CASK: variants seen among roughly 807,000 people sequenced by gnomAD.
CASK encodes peripheral plasma membrane protein CASK.
A neutral mutation model predicts 82.9 loss-of-function variants in CASK; 4 were observed. That is an observed-to-expected ratio of 0.05 (90% CI 0.02 to 0.11). The LOEUF (loss-of-function observed/expected upper bound fraction) is 0.11, where lower values mean the gene tolerates loss of function less well. Among genes scored for constraint, CASK ranks in the 10% least tolerant of loss-of-function variants. The pLI is 1.00. For missense variants in CASK, 358 were observed against 720.9 expected, an observed-to-expected ratio of 0.50 and a Z score of 5.76; for synonymous variants, 259 against 253.5, an observed-to-expected ratio of 1.02 and a Z score of -0.20.
At chrX:41,700,931 C>CAAAAAA (rs1215266415) in intron 5 of CASK, among the ~76,000 whole-genome samples, 9 of 37,107 alleles carry the variant, frequency 2.4e-4, no homozygotes, top group East Asian at 1.0e-3. Context: ...GACTCCGTCT[C>CAAAAAA]AAAAAAAAAA....
chrX:41,814,839 C>G (rs1448657082), intron 2 of CASK, among the ~76,000 whole-genome samples: 1 of 111,853 alleles, frequency 8.9e-6, no homozygotes, highest in Non-Finnish European at 1.9e-5. Flanking sequence ...ACCCACTGAA[C>G]TAGAAAATTG....
At chrX:41,617,161 G>A (rs2066215320) in intron 11 of CASK, among the ~76,000 whole-genome samples, 1 of 112,443 alleles carries the variant, frequency 8.9e-6, no homozygotes, top group Non-Finnish European at 1.9e-5. Flanking sequence ...GATCAAAGCT[G>A]TGTTGACAGG....
intron 8 of CASK, among the ~76,000 whole-genome samples, chrX:41,640,680 C>T (rs2066632872): frequency 9.0e-6 from 1 of 111,632 alleles, no homozygotes; most frequent in African/African-American, 3.3e-5. Flanking sequence ...GTTGAAGTAT[C>T]TGTTCAAATC....
intron 2 of CASK, among the ~76,000 whole-genome samples, chrX:41,819,292 T>A (rs2070481732): frequency 9.0e-6 from 1 of 111,282 alleles, no homozygotes; most frequent in African/African-American, 3.3e-5. Flanking sequence ...TCAGTACAGA[T>A]ATGTCAGACA....
In CASK at chrX:41,555,602, G is replaced by T; in HGVS notation, c.1840C>A (p.Gln614Lys). 1 of 1,199,053 alleles carries T rather than the reference G, an allele frequency of 8.3e-7. No homozygotes were observed. Among genetic ancestry groups the T allele is most frequent in the Non-Finnish European group, 1.1e-6 (1 of 884,065 alleles). Residue 614 changes from glutamine to lysine, a missense_variant and splice_region_variant, in exon 20 of 27, where the codon CAG becomes AAG. This residue lies in a region of CASK where 41 missense variants were observed against 39.4 expected (regional missense o/e 1.04). Transcript: ENST00000378163. Reference sequence around the variant, plus strand: ...TTCTATAGAGGATATCTATTCACCTGTCGTCCTTTTGGTTGGGTAGTTGAT... The same window carrying T: ...TTCTATAGAGGATATCTATTCACCTTTCGTCCTTTTGGTTGGGTAGTTGAT... ...LPSTTQPKGR[Q>K]IYVRAQFEYD... is the part of the protein sequence containing the mutation.
chrX:41,529,221 C>A (rs773686168), intron 25 of CASK, among the ~76,000 whole-genome samples: 1 of 111,451 alleles, frequency 9.0e-6, no homozygotes, highest in Non-Finnish European at 1.9e-5. Flanking sequence ...AGTGCCCAGC[C>A]GGGGTGAGGA....
chrX:41,578,192 G>C (rs2065510614), intron 15 of CASK, 148 bp downstream of exon 15: 1 of 444,379 alleles, frequency 2.3e-6, no homozygotes, highest in Non-Finnish European at 3.9e-6. Flanking sequence ...GAAGGGCAGG[G>C]GGGAACTGAA....
intron 16 of CASK, among the ~76,000 whole-genome samples, chrX:41,568,386 C>T (rs1261991239): frequency 9.0e-6 from 1 of 110,894 alleles, no homozygotes; most frequent in African/African-American, 3.3e-5. Context: ...ACACCCTCTA[C>T]GCCTACAAGG....
chrX:41,532,654 C>G (rs1466246395), intron 24 of CASK, among the ~76,000 whole-genome samples: 2 of 109,507 alleles, frequency 1.8e-5, no homozygotes, highest in African/African-American at 6.7e-5. Context: ...CAAATTTATG[C>G]TACTCTCTTC....
In CASK at chrX:41,568,268, G is replaced by T. The variant is rs1264849901; in HGVS notation, c.1582+1400C>A. Among the ~76,000 whole-genome samples, 23 of 109,666 alleles carry T rather than the reference G, an allele frequency of 2.1e-4. 1 individual carries two copies. Among genetic ancestry groups the T allele is most frequent in the Admixed American group, 1.8e-3 (19 of 10,334 alleles). On this transcript the variant is annotated intron_variant, in intron 16 of 26. Transcript: ENST00000378163. ...AACAAAAAAGAAAAGAAAAAAAAAA[G>T]AAAGAATGATGTTGTGGCTTTACTG... is the stretch of plus-strand genomic sequence containing the variant.
intron 5 of CASK, among the ~76,000 whole-genome samples, chrX:41,712,106 C>T (rs1350851853): frequency 8.9e-6 from 1 of 111,780 alleles, no homozygotes; most frequent in Non-Finnish European, 1.9e-5. Flanking sequence ...GGCAAAGTGG[C>T]CAAGAAAAAT....
At chrX:41,711,337 T>C (rs1250141268) in intron 5 of CASK, among the ~76,000 whole-genome samples, 2 of 112,357 alleles carry the variant, frequency 1.8e-5, no homozygotes, top group African/African-American at 6.5e-5. Context: ...TCTGTGTTAA[T>C]TGTTGTTGAA....
intron 4 of CASK, among the ~76,000 whole-genome samples, chrX:41,743,397 A>T (rs1327160287): frequency 1.8e-5 from 2 of 112,480 alleles, no homozygotes; most frequent in African/African-American, 3.2e-5. Context: ...GATGGGATTT[A>T]AAAAAACCCT....
chrX:41,791,137 T>C (rs891390409), intron 2 of CASK, among the ~76,000 whole-genome samples: 1 of 111,057 alleles, frequency 9.0e-6, no homozygotes, highest in Non-Finnish European at 1.9e-5. Flanking sequence ...TACTTTCTTT[T>C]TTTTTAATGA....
At chrX:41,645,518 A>G (rs1254671074) in intron 8 of CASK, among the ~76,000 whole-genome samples, 4 of 111,196 alleles carry the variant, frequency 3.6e-5, no homozygotes, top group African/African-American at 1.3e-4. Context: ...TCAAAACCAC[A>G]GAGAAAAGAC....
chrX:41,727,889 T>C (rs1437282298), intron 5 of CASK: 4 of 1,204,316 alleles, frequency 3.3e-6, no homozygotes, highest in Non-Finnish European at 4.5e-6. Flanking sequence ...AATTATTTAA[T>C]AGAAACAAAA....
At chrX:41,714,475 G>A (rs1229988834) in intron 5 of CASK, among the ~76,000 whole-genome samples, 1 of 112,119 alleles carries the variant, frequency 8.9e-6, no homozygotes, top group African/African-American at 3.2e-5. Flanking sequence ...CTCTTACCTT[G>A]TATTGTAAAA....
chrX:41,830,826 A>AAC (rs1165151781), intron 2 of CASK, among the ~76,000 whole-genome samples: 15 of 109,292 alleles, frequency 1.4e-4, no homozygotes, highest in Non-Finnish European at 2.5e-4. Context: ...CCAAAAAAAA[A>AAC]AAAAAAAAAA....
At chrX:41,734,818 C>T (rs907225028) in intron 5 of CASK, among the ~76,000 whole-genome samples, 1 of 111,472 alleles carries the variant, frequency 9.0e-6, no homozygotes, top group African/African-American at 3.3e-5. Flanking sequence ...CCTGATATGT[C>T]ACTAAGTGTG....
Sources: allele counts gnomAD v4.1 joint callset (sites outside exome capture counted in the v4.1 genomes callset), GRCh38; gene constraint gnomAD v4.1.1; regional missense constraint gnomAD v4.1.1; transcripts MANE v1.5; gene names NCBI Gene and HGNC (gene_info 2026-07-23, HGNC 2026-07-21).